LRMDA: variants seen among roughly 807,000 people sequenced by gnomAD.
The protein encoded by LRMDA is leucine rich melanocyte differentiation associated, also known as leucine-rich melanocyte differentiation-associated protein.
In LRMDA, 18 loss-of-function variants were observed where a neutral mutation model predicts 29.8. The ratio of observed to expected loss-of-function variants is 0.60; its 90% confidence interval spans 0.42 to 0.90. LRMDA has a LOEUF of 0.90. Ranked by LOEUF, LRMDA falls within the 40% of genes least tolerant of loss-of-function variation. The probability of loss-of-function intolerance (pLI) is 0.00; values close to 1 mark genes in which losing one functional copy is unlikely to be tolerated. For synonymous variants in LRMDA, 125 were observed against 109.4 expected (o/e 1.14, Z -0.89); for missense variants, 273 against 273.9 (o/e 1.00, Z 0.02).
At chr10:76,502,770 G>A (rs1279269610) in intron 6 of LRMDA, among the ~76,000 whole-genome samples, 1 of 151,100 alleles carries the variant, frequency 6.6e-6, no homozygotes, top group Non-Finnish European at 1.5e-5. Context: ...TGCTAAAGTG[G>A]TTTATGAATT....
At chr10:76,009,396 G>A (rs1847732258) in intron 2 of LRMDA, among the ~76,000 whole-genome samples, 1 of 152,136 alleles carries the variant, frequency 6.6e-6, no homozygotes, top group African/African-American at 2.4e-5. Context: ...CTTTTGATGA[G>A]CTCACATTAG....
Position 76,298,598 on chromosome 10 carries a change from C to T in LRMDA, c.517-25803C>T, listed in dbSNP as rs373988675. ...TTTCACATAGGCACCCATGACGTGC[C>T]GTGCAACCCTAAGAGGCCTGGGGTA... On this transcript the variant is annotated intron_variant, in intron 5 of 6. Coordinates refer to ENST00000611255, the MANE Select transcript of LRMDA (RefSeq NM_001305581.2). Among the ~76,000 whole-genome samples the T allele has an allele frequency of 8.1e-4, 124 of 152,238 alleles. 1 individual carries two copies. Among genetic ancestry groups the T allele is most frequent in the African/African-American group, 2.9e-3 (120 of 41,556 alleles).
At chr10:76,136,143 A>G (rs1015771672) in intron 5 of LRMDA, among the ~76,000 whole-genome samples, 2 of 152,200 alleles carry the variant, frequency 1.3e-5, no homozygotes, top group Non-Finnish European at 2.9e-5. Context: ...AGGCATTTTT[A>G]TATGACATTT....
At chr10:75,610,265 C>A (rs1021065938) in intron 2 of LRMDA, among the ~76,000 whole-genome samples, 6 of 152,096 alleles carry the variant, frequency 3.9e-5, no homozygotes, top group Non-Finnish European at 8.8e-5. Context: ...TTTGAAATAA[C>A]TGGCAAATTC....
At position 75,876,483 on chromosome 10, in the gene LRMDA, A is replaced by C. The variant is rs1049218768; in HGVS notation, c.132-159525A>C. ...AAGGTAGATGCAGGCATAAGAAAAA[A>C]ATCGAAAGAAAAATATCCCAATAAC... On this transcript the variant is annotated intron_variant, in intron 2 of 6. Coordinates refer to ENST00000611255, the MANE Select transcript of LRMDA (RefSeq NM_001305581.2). 2.6e-5 allele frequency among the ~76,000 whole-genome samples: 4 copies of C among 152,138 alleles called. No individual in the cohort carries two copies. In the East Asian group the frequency reaches 7.7e-4, roughly 29 times the overall value.
At chr10:76,093,960 G>A (rs1194911424) in intron 5 of LRMDA, among the ~76,000 whole-genome samples, 2 of 152,012 alleles carry the variant, frequency 1.3e-5, no homozygotes, top group East Asian at 3.9e-4. Flanking sequence ...CCCTTACCAC[G>A]CTATCCGCCA....
chr10:76,286,032 G>A (rs2132340578), intron 5 of LRMDA, among the ~76,000 whole-genome samples: 1 of 152,280 alleles, frequency 6.6e-6, no homozygotes, highest in African/African-American at 2.4e-5. Flanking sequence ...AGTCTGTTTG[G>A]AGTTAATTGG....
At chr10:76,101,530 A>T (rs1849394396) in intron 5 of LRMDA, among the ~76,000 whole-genome samples, 1 of 152,196 alleles carries the variant, frequency 6.6e-6, no homozygotes, top group South Asian at 2.1e-4. Flanking sequence ...TGAGGCCAGG[A>T]GTTTGAGAAC....
intron 6 of LRMDA, among the ~76,000 whole-genome samples, chr10:76,508,753 G>C (rs1010454140): frequency 1.3e-5 from 2 of 152,136 alleles, no homozygotes; most frequent in East Asian, 3.9e-4. Context: ...TCTGGACCGT[G>C]TTCTATTTTA....
chr10:75,609,985 T>C lies in LRMDA; in HGVS notation c.131+171491T>C, dbSNP rs142756619. On this transcript the variant is annotated intron_variant, in intron 2 of 6. Transcript: ENST00000611255. ...ACACTAGAAGCTTTTCTAGGTGGAG[T>C]GTATAGTATATTCTAGGACTGCAAA... 4.1e-4 allele frequency among the ~76,000 whole-genome samples: 62 copies of C among 152,040 alleles called. 1 individual carries two copies. The highest frequency in any genetic ancestry group is 1.4e-3 in the African/African-American group (60 of 41,480).
rs144490247 is a variant in LRMDA at position 75,535,099 on chromosome 10, G to A, written c.131+96605G>A. ...GTCTTACAATCTTTCACTATTTTTGGTAAAAGACAGTTCTTTTTATCTTCT... is the reference window on the plus strand; with the variant it reads ...GTCTTACAATCTTTCACTATTTTTGATAAAAGACAGTTCTTTTTATCTTCT... On this transcript the variant is annotated intron_variant, in intron 2 of 6. Transcript: ENST00000611255. Among the ~76,000 whole-genome samples, 10 of 152,250 alleles carry A rather than the reference G, an allele frequency of 6.6e-5. 1 individual carries two copies. Among genetic ancestry groups the A allele is most frequent in the African/African-American group, 2.4e-4 (10 of 41,550 alleles).
intron 2 of LRMDA, among the ~76,000 whole-genome samples, chr10:75,744,236 G>A (rs1052190427): frequency 5.3e-5 from 8 of 152,176 alleles, no homozygotes; most frequent in East Asian, 1.9e-4. Context: ...AACAATACCC[G>A]TCAGATATGA....
At chr10:76,087,218 G>A (rs1564649185) in intron 5 of LRMDA, among the ~76,000 whole-genome samples, 1 of 152,120 alleles carries the variant, frequency 6.6e-6, no homozygotes, top group Non-Finnish European at 1.5e-5. Flanking sequence ...CAGAGGTCAG[G>A]TACTAGCTGT....
chr10:76,102,705 T>C (rs1401633229), intron 5 of LRMDA, among the ~76,000 whole-genome samples: 6 of 152,186 alleles, frequency 3.9e-5, no homozygotes, highest in Admixed American at 3.9e-4. Flanking sequence ...CAAGCTGTAC[T>C]GCAGTGGCGC....
chr10:76,345,242 A>ATT (rs375432601), intron 6 of LRMDA, among the ~76,000 whole-genome samples: 5 of 140,392 alleles, frequency 3.6e-5, no homozygotes, highest in East Asian at 2.1e-4. Context: ...AATTTTTTGT[A>ATT]TTTTTTTTTT....
chr10:75,950,363 A>G (rs1846552475), intron 2 of LRMDA, among the ~76,000 whole-genome samples: 1 of 152,158 alleles, frequency 6.6e-6, no homozygotes, highest in African/African-American at 2.4e-5. Flanking sequence ...CATTGACTTG[A>G]AGCTTACCCT....
intron 2 of LRMDA, among the ~76,000 whole-genome samples, chr10:75,592,559 A>G (rs1245730187): frequency 6.6e-6 from 1 of 152,198 alleles, no homozygotes; most frequent in Admixed American, 6.5e-5. Flanking sequence ...CTTTGATATT[A>G]ATTCATCGGT....
At chr10:76,336,702 G>A (rs956542316) in intron 6 of LRMDA, among the ~76,000 whole-genome samples, 12 of 152,056 alleles carry the variant, frequency 7.9e-5, no homozygotes, top group Admixed American at 7.9e-4. Context: ...AAAATATCCT[G>A]TGTTGTTAGG....
intron 2 of LRMDA, among the ~76,000 whole-genome samples, chr10:75,672,190 G>T (rs139227053): frequency 2.4e-4 from 36 of 152,154 alleles, no homozygotes; most frequent in African/African-American, 8.0e-4. Flanking sequence ...CTTATAATAG[G>T]TTATTTTATT....
Sources: allele counts gnomAD v4.1 joint callset (sites outside exome capture counted in the v4.1 genomes callset), GRCh38; gene constraint gnomAD v4.1.1; transcripts MANE v1.5; gene names NCBI Gene and HGNC (gene_info 2026-07-23, HGNC 2026-07-21).